Variants in RHEX observed in about 807,000 individuals in gnomAD.
RHEX encodes regulator of hemoglobinization and erythroid cell expansion, also known as regulator of hemoglobinization and erythroid cell expansion protein.
RHEX carries 18 observed loss-of-function variants against 20.1 expected under a neutral mutation model. The observed-to-expected ratio is 0.90, with a 90% CI of 0.62 to 1.33. RHEX has a LOEUF of 1.33. Among genes scored for constraint, RHEX ranks in the 40% most tolerant of loss-of-function variants. The pLI, the probability that RHEX is intolerant of heterozygous loss-of-function variation, is 0.00. For synonymous variants in RHEX, 87 were observed against 77.1 expected, an observed-to-expected ratio of 1.13 and a Z score of -0.67; for missense variants, 192 against 214.3, an observed-to-expected ratio of 0.90 and a Z score of 0.65.
At chr1:206,101,380 G>T (rs1461449113) in intron 5 of RHEX, among the ~76,000 whole-genome samples, 183 bp downstream of exon 5, 1 of 152,126 alleles carries the variant, frequency 6.6e-6, no homozygotes, top group Non-Finnish European at 1.5e-5. Flanking sequence ...ATATCTGCAT[G>T]GATCACCCAA....
At chr1:206,099,951 T>C (rs1348443039) in intron 4 of RHEX, among the ~76,000 whole-genome samples, 153 bp downstream of exon 4, 1 of 152,240 alleles carries the variant, frequency 6.6e-6, no homozygotes. Flanking sequence ...CCTACTTTTT[T>C]TCAGAAAGGT....
chr1:206,088,849 C>T (rs190678220), intron 1 of RHEX, among the ~76,000 whole-genome samples: 245 of 151,940 alleles, frequency 1.6e-3, no homozygotes, highest in African/African-American at 5.1e-3. Context: ...GAGACAGGGT[C>T]TCACGTTGTC....
chr1:206,088,151 T>C (rs1553286599), intron 1 of RHEX, among the ~76,000 whole-genome samples: 1 of 152,112 alleles, frequency 6.6e-6, no homozygotes, highest in African/African-American at 2.4e-5. Flanking sequence ...AAAAAATAAA[T>C]ATTTTTCTTA....
At chr1:206,059,510 A>G (rs1662264203) in intron 1 of RHEX, among the ~76,000 whole-genome samples, 3 of 152,208 alleles carry the variant, frequency 2.0e-5, no homozygotes, top group Non-Finnish European at 4.4e-5. Flanking sequence ...TGCATTGCAC[A>G]GCCAGCTCCC....
At chr1:206,064,430 AG>A (rs1662377409) in intron 1 of RHEX, among the ~76,000 whole-genome samples, 1 of 88,502 alleles carries the variant, frequency 1.1e-5, no homozygotes, top group Non-Finnish European at 2.1e-5. Flanking sequence ...CCCGTCCGGG[AG>A]GGAGGTGGGG....
At chr1:206,089,439 G>C (rs1553286743) in intron 1 of RHEX, among the ~76,000 whole-genome samples, 2 of 152,144 alleles carry the variant, frequency 1.3e-5, no homozygotes, top group Non-Finnish European at 2.9e-5. Flanking sequence ...CTCCAGATGA[G>C]TTCTTCCTAA....
chr1:206,068,031 A>G (rs1553284326), intron 1 of RHEX, among the ~76,000 whole-genome samples: 1 of 152,032 alleles, frequency 6.6e-6, no homozygotes, highest in Non-Finnish European at 1.5e-5. Flanking sequence ...GGAAACTAAC[A>G]TTTCTGTGCT....
intron 1 of RHEX, among the ~76,000 whole-genome samples, chr1:206,059,842 C>T (rs559338432): frequency 6.6e-6 from 1 of 152,236 alleles, no homozygotes; most frequent in African/African-American, 2.4e-5. Context: ...AATAATTCTC[C>T]CCTTCCCCAC....
chr1:206,072,198 G>A (rs1244057774), intron 1 of RHEX, among the ~76,000 whole-genome samples: 2 of 152,136 alleles, frequency 1.3e-5, no homozygotes, highest in Non-Finnish European at 2.9e-5. Context: ...AGGAAGAAAG[G>A]ACACATTCAA....
In RHEX at chr1:206,098,116, T is replaced by G; in HGVS notation, c.47T>G (p.Val16Gly). The change falls in exon 3 of 6, where the codon GTG (valine) becomes GGG (glycine). Residue 16 changes from valine (V) to glycine (G), a missense_variant. Physicochemically the swap from Val to Gly is moderately radical, Grantham distance 109. Coordinates refer to ENST00000331555, the MANE Select transcript of RHEX (RefSeq NM_001007544.4). ...GTCTGGCATGGCTTAGTGATCGCGG[T>G]GGTGTCCCTCTTCCTGCAGGCCTGC... Reference protein sequence around the residue: ...MEVWHGLVIAVVSLFLQACFL... With the variant: ...MEVWHGLVIAGVSLFLQACFL... 1.2e-6 allele frequency: 2 copies of G among 1,614,138 alleles called. No individual in the cohort carries two copies. Among genetic ancestry groups the G allele is most frequent in the Non-Finnish European group, 1.7e-6 (2 of 1,179,970 alleles).
intron 1 of RHEX, among the ~76,000 whole-genome samples, chr1:206,080,969 A>T (rs1662724674): frequency 6.7e-6 from 1 of 150,228 alleles, no homozygotes; most frequent in Non-Finnish European, 1.5e-5. Flanking sequence ...CATCCAGCTA[A>T]TTTTTTTGTA....
intron 1 of RHEX, among the ~76,000 whole-genome samples, chr1:206,059,168 C>T (rs186369030): frequency 2.1e-4 from 32 of 152,262 alleles, no homozygotes; most frequent in Non-Finnish European, 4.3e-4. Context: ...ACATCATGCC[C>T]TGTGACTTGA....
chr1:206,062,922 C>T (rs1662333661), intron 1 of RHEX, among the ~76,000 whole-genome samples: 1 of 152,200 alleles, frequency 6.6e-6, no homozygotes, highest in South Asian at 2.1e-4. Context: ...AAGCCTTGTC[C>T]TCACAGAGCT....
intron 1 of RHEX, among the ~76,000 whole-genome samples, chr1:206,095,454 G>T (rs374352819): frequency 6.6e-6 from 1 of 152,082 alleles, no homozygotes. Flanking sequence ...CACATTATTT[G>T]CATATATACA....
At chr1:206,064,786 C>T (rs1342397305) in intron 1 of RHEX, among the ~76,000 whole-genome samples, 1 of 152,116 alleles carries the variant, frequency 6.6e-6, no homozygotes, top group Non-Finnish European at 1.5e-5. Context: ...TGCCCAGCAG[C>T]TCATTGAGAA....
chr1:206,079,055 C>A (rs1428883284), intron 1 of RHEX, among the ~76,000 whole-genome samples: 1 of 152,116 alleles, frequency 6.6e-6, no homozygotes, highest in Non-Finnish European at 1.5e-5. Context: ...CAAGTTAACC[C>A]CCCCAGTCTT....
chr1:206,069,862 T>C (rs1553284490), intron 1 of RHEX, among the ~76,000 whole-genome samples: 2 of 152,194 alleles, frequency 1.3e-5, no homozygotes. Context: ...AAACTTGGAT[T>C]AACCCAGTAT....
intron 1 of RHEX, among the ~76,000 whole-genome samples, chr1:206,074,363 G>T (rs569733736): frequency 6.6e-6 from 1 of 152,178 alleles, no homozygotes; most frequent in Admixed American, 6.5e-5. Flanking sequence ...GGACTATCAA[G>T]AAATATCTGT....
intron 1 of RHEX, among the ~76,000 whole-genome samples, chr1:206,079,239 T>C (rs1662692692): frequency 6.6e-6 from 1 of 152,126 alleles, no homozygotes. Context: ...TGGAGATGTA[T>C]ATCATTACTG....
Sources: allele counts gnomAD v4.1 joint callset (sites outside exome capture counted in the v4.1 genomes callset), GRCh38; gene constraint gnomAD v4.1.1; transcripts MANE v1.5; gene names NCBI Gene and HGNC (gene_info 2026-07-23, HGNC 2026-07-21).